The following UNC79 variants were observed in gnomAD, a reference collection of about 807,000 sequenced individuals.
The protein encoded by UNC79 is unc-79 subunit of NALCN channel complex, also known as protein unc-79 homolog.
Under a neutral mutation model 283.1 loss-of-function variants are expected in UNC79, and 37 were observed. The ratio of observed to expected loss-of-function variants is 0.13; its 90% CI spans 0.10 to 0.17. UNC79 has a LOEUF of 0.17. UNC79 is among the 10% of genes least tolerant of loss of function. UNC79 has a pLI of 1.00. For missense variants in UNC79, 2,272 were observed against 3,211.1 expected (o/e 0.71, Z 7.07); for synonymous variants, 1,107 against 1,200.2 (o/e 0.92, Z 1.61).
chr14:93,643,087 T>C (rs1034588791), intron 33 of UNC79, among the ~76,000 whole-genome samples: 2 of 152,238 alleles, frequency 1.3e-5, no homozygotes, highest in Admixed American at 6.5e-5. Context: ...TTCTGTAGAC[T>C]TGACTACCCT....
At chr14:93,535,900 A>G (rs532312747) in intron 11 of UNC79, among the ~76,000 whole-genome samples, 39 of 152,312 alleles carry the variant, frequency 2.6e-4, no homozygotes, top group African/African-American at 9.4e-4. Context: ...GAGGGAAACT[A>G]TCCTTGACTT....
chr14:93,492,684 G>A (rs938868743), intron 5 of UNC79, among the ~76,000 whole-genome samples: 1 of 152,152 alleles, frequency 6.6e-6, no homozygotes, highest in South Asian at 2.1e-4. Flanking sequence ...AGGTAAATGG[G>A]GCATTCTGGG....
intron 14 of UNC79, among the ~76,000 whole-genome samples, chr14:93,566,639 A>AT (rs33917214): frequency 0.48 from 65,781 of 136,224 alleles, 16,333 homozygotes; most frequent in Admixed American, 0.57. Context: ...AGTTTCTGGA[A>AT]TTTTTTTTTT....
chr14:93,532,679 A>G (rs961243733), intron 11 of UNC79, 101 bp downstream of exon 11: 9 of 1,408,524 alleles, frequency 6.4e-6, no homozygotes, highest in African/African-American at 1.4e-5. Flanking sequence ...GGTTTCCAGT[A>G]TATGCATGCC....
At chr14:93,555,040 A>G (rs550023719) in intron 14 of UNC79, among the ~76,000 whole-genome samples, 12 of 152,362 alleles carry the variant, frequency 7.9e-5, no homozygotes, top group South Asian at 6.2e-4. Context: ...TCAAACAGTT[A>G]TCAAAAGTCA....
rs1157199255 is a variant in UNC79 at position 93,516,453 on chromosome 14, G to A, written c.899-7525G>A. Reference sequence around the variant, plus strand: ...CAATCTGCTTGGATATTTTTTTTGGGGGGGGGGGTGGGGGATGGAGTCTTA... The same window carrying A: ...CAATCTGCTTGGATATTTTTTTTGGAGGGGGGGGTGGGGGATGGAGTCTTA... On this transcript the variant is annotated intron_variant, in intron 7 of 48. Coordinates refer to ENST00000555664, the Ensembl canonical transcript of UNC79. Among the ~76,000 whole-genome samples, 10 of 120,086 alleles carry A rather than the reference G, an allele frequency of 8.3e-5. 2 individuals are homozygous for A. The Admixed American group carries it at 9.2e-4, about 11-fold the overall frequency. The allele number at this position is 120,086 out of a possible 152,430, so 78.8% of individuals were successfully genotyped here. A position where few individuals can be genotyped will look rare whatever the true frequency, so the allele number is the denominator to read the frequency against.
chr14:93,403,615 A>C (rs58657413), intron 1 of UNC79, among the ~76,000 whole-genome samples: 1 of 152,328 alleles, frequency 6.6e-6, no homozygotes, highest in East Asian at 1.9e-4. Flanking sequence ...AAACAGCATA[A>C]AATAAATCTA....
At chr14:93,408,480 C>T (rs1045643149) in intron 1 of UNC79, among the ~76,000 whole-genome samples, 1 of 152,074 alleles carries the variant, frequency 6.6e-6, no homozygotes, top group Non-Finnish European at 1.5e-5. Context: ...CTCACCTGAG[C>T]ACAGGAGTTC....
At chr14:93,630,742 G>C (rs2067963771) in intron 30 of UNC79, 59 bp from the exon 33 acceptor site, 2 of 1,359,070 alleles carry the variant, frequency 1.5e-6, no homozygotes, top group South Asian at 1.2e-5. Context: ...ATATAGAAAA[G>C]GTTCTTGAAC....
chr14:93,392,341 C>T (rs1258528687), intron 1 of UNC79, among the ~76,000 whole-genome samples: 2 of 152,036 alleles, frequency 1.3e-5, no homozygotes, highest in Non-Finnish European at 2.9e-5. Context: ...ATACCGTGTG[C>T]TTTTATTTAT....
chr14:93,470,337 T>C (rs1037436109), intron 2 of UNC79, among the ~76,000 whole-genome samples: 2 of 152,204 alleles, frequency 1.3e-5, no homozygotes, highest in Non-Finnish European at 2.9e-5. Context: ...AGCTTAGACA[T>C]TTAACTTCGA....
intron 12 of UNC79, among the ~76,000 whole-genome samples, chr14:93,540,385 G>T (rs555810093): frequency 1.3e-5 from 2 of 152,258 alleles, no homozygotes; most frequent in South Asian, 4.2e-4. Context: ...GATCAGTTCT[G>T]CTTGATGCTA....
intron 7 of UNC79, among the ~76,000 whole-genome samples, chr14:93,517,651 G>A (rs1178837011): frequency 6.6e-6 from 1 of 151,746 alleles, no homozygotes; most frequent in Non-Finnish European, 1.5e-5. Context: ...GCAACGTTAT[G>A]CCTTTTATGC....
exon 8 of UNC79, chr14:93,524,019 G>A: frequency 1.9e-6 from 3 of 1,614,124 alleles, no homozygotes; most frequent in Non-Finnish European, 2.5e-6. Context: ...ATGCCACAAT[G>A]CAATTAACAA....
chr14:93,486,546 C>T (rs1252626518), intron 4 of UNC79, among the ~76,000 whole-genome samples: 1 of 150,214 alleles, frequency 6.7e-6, no homozygotes, highest in Non-Finnish European at 1.5e-5. Flanking sequence ...CCCAGCTACT[C>T]GGGAGGCCGA....
chr14:93,564,403 G>A (rs993653888), intron 14 of UNC79, among the ~76,000 whole-genome samples: 10 of 152,326 alleles, frequency 6.6e-5, no homozygotes, highest in East Asian at 1.9e-4. Context: ...GGACATGATC[G>A]GCAGGGAGAG....
intron 7 of UNC79, among the ~76,000 whole-genome samples, chr14:93,519,442 G>C (rs986839940): frequency 1.3e-5 from 2 of 151,616 alleles, no homozygotes; most frequent in African/African-American, 4.8e-5. Context: ...TTGGGTCATG[G>C]GTTTTAAAAA....
At chr14:93,517,582 T>G (rs909260183) in intron 7 of UNC79, among the ~76,000 whole-genome samples, 1 of 151,928 alleles carries the variant, frequency 6.6e-6, no homozygotes, top group Non-Finnish European at 1.5e-5. Context: ...TCTATTGAGA[T>G]GATTATATGA....
At chr14:93,670,992 T>C (rs984245605) in intron 40 of UNC79, among the ~76,000 whole-genome samples, 30 of 152,224 alleles carry the variant, frequency 2.0e-4, no homozygotes, top group African/African-American at 7.0e-4. Context: ...TGCACATGTG[T>C]TATATTCAAC....
Sources: gnomAD v4.1 joint callset for allele counts (sites outside exome capture counted in the v4.1 genomes callset) on GRCh38, gnomAD v4.1.1 for gene constraint, MANE v1.5 for transcripts, NCBI Gene and HGNC (gene_info 2026-07-23, HGNC 2026-07-21) for gene names.